The following RPS6KA5 variants were observed in gnomAD, a reference collection of about 807,000 sequenced individuals.
RPS6KA5 encodes ribosomal protein S6 kinase A5.
Under a neutral mutation model 85.5 loss-of-function variants are expected in RPS6KA5, and 27 were observed. The ratio of observed to expected loss-of-function variants is 0.32; its 90% CI spans 0.23 to 0.44. The LOEUF is 0.44. RPS6KA5 is among the 20% of genes least tolerant of loss of function. RPS6KA5 has a pLI of 1.00. For synonymous variants in RPS6KA5, 334 were observed against 348.2 expected (o/e 0.96, Z 0.46); for missense variants, 811 against 980.9 (o/e 0.83, Z 2.31).
In RPS6KA5 at chr14:90,862,963, T is replaced by G. The variant is rs1045257387; in HGVS notation, c.*9111A>C. 2.0e-5 allele frequency: 3 copies of G among 151,934 alleles called. No homozygotes were observed. Among genetic ancestry groups the G allele is most frequent in the African/African-American group, 7.3e-5 (3 of 41,360 alleles). The allele number at this position is 151,934 out of a possible 1,614,324, so 9.4% of individuals were successfully genotyped here. A position where few individuals can be genotyped will look rare whatever the true frequency, so the allele number is the denominator to read the frequency against. ...CATTTAGTAAAAACTCTCTGAAAATTAGAAATAAAACAATCTGCTATATGA... is the reference window on the plus strand; with the variant it reads ...CATTTAGTAAAAACTCTCTGAAAATGAGAAATAAAACAATCTGCTATATGA... On this transcript the variant is annotated 3_prime_UTR_variant, in exon 17 of 17. Coordinates refer to ENST00000614987, the MANE Select transcript of RPS6KA5 (RefSeq NM_004755.4).
intron 8 of RPS6KA5, among the ~76,000 whole-genome samples, chr14:90,904,472 C>A (rs1451032567): frequency 1.3e-5 from 2 of 152,156 alleles, no homozygotes; most frequent in Non-Finnish European, 2.9e-5. Flanking sequence ...CACCCAAACA[C>A]CAGTTGGTGG....
At position 90,859,817 on chromosome 14, in the gene RPS6KA5, T is replaced by C. The variant is rs899986528; in HGVS notation, c.*12257A>G. 6.6e-6 allele frequency: 1 copy of C among 152,196 alleles called. No homozygotes were observed. Among genetic ancestry groups the C allele is most frequent in the East Asian group, 1.9e-4 (1 of 5,196 alleles). 9.4% of individuals were successfully genotyped at this position (152,196 alleles called of 1,614,324 possible). On this transcript the variant is annotated 3_prime_UTR_variant, in exon 17 of 17. Coordinates refer to ENST00000614987, the MANE Select transcript of RPS6KA5 (RefSeq NM_004755.4). ...TTCAGGAAGTTTACCAATCTTAGGA[T>C]GGATGAAGCTGGAAACCATCATTCT...
At chr14:91,052,987 A>T (rs1267874812) in intron 1 of RPS6KA5, among the ~76,000 whole-genome samples, 1 of 152,206 alleles carries the variant, frequency 6.6e-6, no homozygotes, top group Non-Finnish European at 1.5e-5. Context: ...AAGCAAACTG[A>T]ATCCAGCAAC....
chr14:91,040,357 G>C (rs548640493), intron 1 of RPS6KA5, among the ~76,000 whole-genome samples: 1 of 152,188 alleles, frequency 6.6e-6, no homozygotes, highest in Non-Finnish European at 1.5e-5. Context: ...CCAGTGAGCC[G>C]AGATCATGCC....
chr14:91,042,693 C>A (rs999955131), intron 1 of RPS6KA5, among the ~76,000 whole-genome samples: 1 of 152,030 alleles, frequency 6.6e-6, no homozygotes, highest in Non-Finnish European at 1.5e-5. Context: ...TATCCTCTAC[C>A]TCTTCCTTCC....
At chr14:91,036,677 G>A (rs2042423304) in intron 1 of RPS6KA5, among the ~76,000 whole-genome samples, 1 of 152,200 alleles carries the variant, frequency 6.6e-6, no homozygotes, top group Non-Finnish European at 1.5e-5. Context: ...CACTGCTGTG[G>A]GTAACTGGAG....
intron 7 of RPS6KA5, among the ~76,000 whole-genome samples, chr14:90,919,096 T>C (rs745739862): frequency 1.3e-5 from 2 of 152,200 alleles, no homozygotes; most frequent in Non-Finnish European, 1.5e-5. Context: ...CAACACTCAA[T>C]TGAATACCTC....
chr14:90,921,953 A>T (rs1275486184), intron 6 of RPS6KA5, among the ~76,000 whole-genome samples: 1 of 152,232 alleles, frequency 6.6e-6, no homozygotes, highest in Non-Finnish European at 1.5e-5. Context: ...ACCATGACCT[A>T]GATTTTATAA....
intron 3 of RPS6KA5, among the ~76,000 whole-genome samples, chr14:90,967,156 C>T (rs1404954903): frequency 6.6e-6 from 1 of 152,156 alleles, no homozygotes; most frequent in Non-Finnish European, 1.5e-5. Context: ...ACAGTCCATA[C>T]AATGGAATAC....
intron 1 of RPS6KA5, among the ~76,000 whole-genome samples, chr14:91,022,670 G>C (rs895523240): frequency 2.0e-5 from 3 of 152,202 alleles, no homozygotes. Flanking sequence ...CAAGGAACTA[G>C]ATGTTTGCTA....
At chr14:91,008,326 T>C (rs574609356) in intron 1 of RPS6KA5, among the ~76,000 whole-genome samples, 1 of 152,384 alleles carries the variant, frequency 6.6e-6, no homozygotes, top group South Asian at 2.1e-4. Context: ...GGCACTCATA[T>C]GCCAGATTTT....
At chr14:91,026,976 T>C (rs1425626164) in intron 1 of RPS6KA5, among the ~76,000 whole-genome samples, 1 of 152,222 alleles carries the variant, frequency 6.6e-6, no homozygotes, top group African/African-American at 2.4e-5. Context: ...GGGTTATTTG[T>C]TGTTTGCTTG....
intron 3 of RPS6KA5, among the ~76,000 whole-genome samples, chr14:90,971,233 C>T (rs1220340526): frequency 6.6e-6 from 1 of 152,130 alleles, no homozygotes. Flanking sequence ...AGGAGAATCG[C>T]TTGAACCTGG....
chr14:90,898,116 T>C (rs1240038417), intron 12 of RPS6KA5, among the ~76,000 whole-genome samples: 1 of 152,146 alleles, frequency 6.6e-6, no homozygotes, highest in Non-Finnish European at 1.5e-5. Flanking sequence ...AAGGCAGTAG[T>C]TTAAAGTAAA....
At chr14:90,968,918 A>C (rs1425297867) in intron 3 of RPS6KA5, among the ~76,000 whole-genome samples, 2 of 152,248 alleles carry the variant, frequency 1.3e-5, no homozygotes, top group Non-Finnish European at 2.9e-5. Flanking sequence ...AATTTAGGTC[A>C]CACATCTTTC....
intron 2 of RPS6KA5, among the ~76,000 whole-genome samples, chr14:90,986,063 C>T (rs189346402): frequency 2.6e-5 from 4 of 152,112 alleles, no homozygotes; most frequent in Non-Finnish European, 5.9e-5. Context: ...CTCTAAAGAA[C>T]CTGAAACTGT....
intron 1 of RPS6KA5, among the ~76,000 whole-genome samples, chr14:91,049,997 T>C (rs2043010740): frequency 6.6e-6 from 1 of 152,250 alleles, no homozygotes; most frequent in Admixed American, 6.5e-5. Flanking sequence ...GACCAAAATG[T>C]CATTATGCAG....
chr14:90,967,009 CAA>C (rs1053336099), intron 3 of RPS6KA5, among the ~76,000 whole-genome samples: 4 of 152,024 alleles, frequency 2.6e-5, no homozygotes, highest in African/African-American at 9.7e-5. Context: ...AGAAAACTAT[CAA>C]TAGTCCATCT....
rs539192252 is a variant in RPS6KA5, at chr14:90,906,438, C to T, written c.807-139G>A. On this transcript the variant is annotated intron_variant, in intron 7 of 16. Coordinates refer to ENST00000614987, the MANE Select transcript of RPS6KA5 (RefSeq NM_004755.4). Reference sequence around the variant, plus strand: ...AACATGAATCAATAATACCTCAATACTGTTGAAAAAATATTTAGAATGAGA... The same window carrying T: ...AACATGAATCAATAATACCTCAATATTGTTGAAAAAATATTTAGAATGAGA... The T allele has an allele frequency of 1.0e-5, 6 of 573,084 alleles. No homozygotes were observed. The African/African-American group carries it at 1.1e-4, about 11-fold the overall frequency. 35.5% of individuals were successfully genotyped at this position (573,084 alleles called of 1,614,324 possible). A position where few individuals can be genotyped will look rare whatever the true frequency, so the allele number is the denominator to read the frequency against.
Sources: gnomAD v4.1 joint callset for allele counts (sites outside exome capture counted in the v4.1 genomes callset) on GRCh38, gnomAD v4.1.1 for gene constraint, MANE v1.5 for transcripts, NCBI Gene and HGNC (gene_info 2026-07-23, HGNC 2026-07-21) for gene names.